Variants in TMPRSS9 observed in about 807,000 individuals in gnomAD.
The protein encoded by TMPRSS9 is transmembrane serine protease 9.
A neutral mutation model predicts 111.4 loss-of-function variants in TMPRSS9; 113 were observed. That is an observed-to-expected ratio of 1.01 (90% CI 0.87 to 1.19). TMPRSS9 has a LOEUF of 1.19. TMPRSS9 is among the 50% of genes most tolerant of loss of function. The pLI is 0.00. For synonymous variants in TMPRSS9, 805 were observed against 659.1 expected (o/e 1.22, Z -3.39); for missense variants, 1,803 against 1,513.1 (o/e 1.19, Z -3.18).
chr19:2,400,321 C>G (rs150112624), intron 4 of TMPRSS9, among the ~76,000 whole-genome samples: 5 of 152,152 alleles, frequency 3.3e-5, no homozygotes, highest in African/African-American at 7.2e-5. Flanking sequence ...GTGGGCTGAT[C>G]ACTTCAGATC....
intron 7 of TMPRSS9, 131 bp downstream of exon 8, chr19:2,405,676 G>T: frequency 6.2e-6 from 6 of 972,114 alleles, no homozygotes; most frequent in South Asian, 5.2e-5. Flanking sequence ...TTTCTTTCTT[G>T]CTTTTGCTGT....
chr19:2,387,078 C>T (rs1220099337), upstream of TMPRSS9, among the ~76,000 whole-genome samples: 6 of 151,614 alleles, frequency 4.0e-5, no homozygotes, highest in South Asian at 2.1e-4. Context: ...AAAATGAGGC[C>T]GGGTGCAGTG....
chr19:2,387,621 C>T (rs1455670793), upstream of TMPRSS9, among the ~76,000 whole-genome samples: 1 of 151,948 alleles, frequency 6.6e-6, no homozygotes, highest in Admixed American at 6.6e-5. Context: ...GTGACGTACA[C>T]CTGTGGTCCC....
intron 14 of TMPRSS9, 129 bp downstream of exon 15, chr19:2,422,376 G>A: frequency 7.0e-6 from 8 of 1,142,372 alleles, no homozygotes; most frequent in South Asian, 2.1e-5. Context: ...TCAGGAGATC[G>A]AGACCATCCT....
upstream of TMPRSS9, among the ~76,000 whole-genome samples, chr19:2,385,172 CG>C (rs1370531664): frequency 0.031 from 347 of 11,142 alleles, 5 homozygotes; most frequent in African/African-American, 0.065. Context: ...GCGGGGCTCG[CG>C]GGGGGCGGGG....
chr19:2,401,442 C>T (rs573074036), intron 4 of TMPRSS9, among the ~76,000 whole-genome samples: 68 of 152,156 alleles, frequency 4.5e-4, no homozygotes, highest in Middle Eastern at 3.4e-3. Flanking sequence ...CCGTCCGAGC[C>T]CTGGGGCTGG....
At position 2,397,780 on chromosome 19, in the gene TMPRSS9, C is replaced by A. The variant is rs149489767; in HGVS notation, c.271-1015C>A. Reference sequence around the variant, plus strand: ...AGTAAAAACACAAAAATTAGCGGGGCGTGGTGGTGTGTGCCTGTAGTCTCA... The same window carrying A: ...AGTAAAAACACAAAAATTAGCGGGGAGTGGTGGTGTGTGCCTGTAGTCTCA... On this transcript the variant is annotated intron_variant, in intron 2 of 17. Transcript: ENST00000648592. Among the ~76,000 whole-genome samples the A allele has an allele frequency of 3.0e-3, 455 of 151,394 alleles. 1 individual carries two copies. The highest frequency in any genetic ancestry group is 0.011 in the African/African-American group (441 of 41,340).
At chr19:2,401,916 G>T in intron 4 of TMPRSS9, 59 bp from the exon 6 acceptor site, 1 of 1,538,578 alleles carries the variant, frequency 6.5e-7, no homozygotes, top group Non-Finnish European at 8.9e-7. Flanking sequence ...CCAATAGGAT[G>T]TGTTCAAAGG....
exon 7 of TMPRSS9, chr19:2,405,408 C>A (rs2145338014): frequency 6.2e-7 from 1 of 1,605,422 alleles, no homozygotes; most frequent in African/African-American, 1.3e-5. Context: ...GGATGGCCGG[C>A]AGGATCGTGG....
At chr19:2,362,720 T>G (rs146089052) in intron 1 of TMPRSS9, among the ~76,000 whole-genome samples, 1 of 152,088 alleles carries the variant, frequency 6.6e-6, no homozygotes, top group African/African-American at 2.4e-5. Flanking sequence ...ATGTGAGATT[T>G]GTGGAGTTGT....
In TMPRSS9 at chr19:2,410,476, C is replaced by G. The variant is rs1971072764; in HGVS notation, c.1254+82C>G. The G allele has an allele frequency of 1.6e-5, 25 of 1,541,226 alleles. No homozygotes were observed. In the South Asian group the frequency reaches 2.6e-4, roughly 16 times the overall value. ...CAAATGCTGAGCAATTCACAGATAT[C>G]TGGATGCCCGCTGTGAGCCCCCAAC... On this transcript the variant is annotated intron_variant, in intron 9 of 17. Coordinates refer to ENST00000648592, the Ensembl canonical transcript of TMPRSS9.
upstream of TMPRSS9, among the ~76,000 whole-genome samples, chr19:2,385,179 CGGGGCTCGCG>C (rs1970452392): frequency 1.0e-4 from 1 of 9,938 alleles, no homozygotes; most frequent in East Asian, 4.8e-3. Context: ...TCGCGGGGGG[CGGGGCTCGCG>C]GGGGCGGGGC....
intron 15 of TMPRSS9, 142 bp downstream of exon 16, chr19:2,424,399 C>T (rs1971547130): frequency 2.1e-6 from 2 of 932,388 alleles, no homozygotes; most frequent in Non-Finnish European, 2.8e-6. Flanking sequence ...CAGGCCACTC[C>T]TCCCACCCCC....
rs182224931 is a variant in TMPRSS9 at position 2,378,061 on chromosome 19, G to A, written c.-25-11700G>A. 4.1e-3 allele frequency among the ~76,000 whole-genome samples: 625 copies of A among 151,898 alleles called. 4 individuals are homozygous for A. The highest frequency in any genetic ancestry group is 0.017 in the Middle Eastern group (5 of 294). The stretch of plus-strand genomic sequence containing the variant: ...GGTCAATTTTTAAATTTTACATTTC[G>A]TAGAGATGGGGTCTCACTATGTTGC... On this transcript the variant is annotated intron_variant, in intron 1 of 17. Transcript: ENST00000649857.
intron 14 of TMPRSS9, 133 bp downstream of exon 15, chr19:2,422,380 C>T (rs888403017): frequency 1.5e-5 from 17 of 1,121,608 alleles, no homozygotes; most frequent in Non-Finnish European, 1.9e-5. Context: ...GAGATCGAGA[C>T]CATCCTGGCG....
At chr19:2,394,095 C>T (rs1970657564) in intron 1 of TMPRSS9, among the ~76,000 whole-genome samples, 1 of 151,904 alleles carries the variant, frequency 6.6e-6, no homozygotes, top group South Asian at 2.1e-4. Flanking sequence ...CCTAGCTACT[C>T]GGGAAGCTAA....
chr19:2,365,792 C>A (rs1275163167), intron 1 of TMPRSS9, among the ~76,000 whole-genome samples: 1 of 151,788 alleles, frequency 6.6e-6, no homozygotes, highest in Non-Finnish European at 1.5e-5. Context: ...AGCAAGACCC[C>A]ATCTGTACAA....
chr19:2,410,870 G>T (rs1350204632), intron 9 of TMPRSS9, among the ~76,000 whole-genome samples: 1 of 152,140 alleles, frequency 6.6e-6, no homozygotes, highest in Non-Finnish European at 1.5e-5. Context: ...AACACCTCTT[G>T]TATGAATGAT....
At chr19:2,361,574 C>T (rs561491900) in intron 1 of TMPRSS9, among the ~76,000 whole-genome samples, 3 of 152,178 alleles carry the variant, frequency 2.0e-5, no homozygotes, top group South Asian at 4.1e-4. Flanking sequence ...TTCAATTAGC[C>T]CCGGCAGGAA....
Sources: gnomAD v4.1 joint callset for allele counts (sites outside exome capture counted in the v4.1 genomes callset) on GRCh38, gnomAD v4.1.1 for gene constraint, MANE v1.5 for transcripts, NCBI Gene and HGNC (gene_info 2026-07-23, HGNC 2026-07-21) for gene names.